Variants in MAPDA observed in about 807,000 individuals in gnomAD.
The protein encoded by MAPDA is N6,N6-dimethyl-AMP deaminase.
the MAPDA span, chr15:43,346,048 G>A: frequency 1.3e-6 from 2 of 1,591,906 alleles, no homozygotes; most frequent in Non-Finnish European, 1.7e-6. Context: ...GACTAGCTTC[G>A]GGCATCTTGC....
chr15:43,345,125 C>T, the MAPDA span, among the ~76,000 whole-genome samples: 320 of 151,998 alleles, frequency 2.1e-3, 1 homozygote, highest in African/African-American at 6.0e-3. Context: ...GAGGCTGAGG[C>T]GGGCGGATCA....
chr15:43,344,465 G>A, the MAPDA span, among the ~76,000 whole-genome samples: 1 of 152,108 alleles, frequency 6.6e-6, no homozygotes, highest in Non-Finnish European at 1.5e-5. Context: ...TCAATAAATA[G>A]TAAACTCATA....
chr15:43,337,662 T>C, the MAPDA span, among the ~76,000 whole-genome samples: 4 of 152,196 alleles, frequency 2.6e-5, no homozygotes, highest in Non-Finnish European at 5.9e-5. Context: ...TCTGGAGAGG[T>C]AACTTTTGAC....
At chr15:43,335,964 C>G in the MAPDA span, 1 of 1,059,702 alleles carries the variant, frequency 9.4e-7, no homozygotes, top group South Asian at 1.7e-5. Flanking sequence ...TCTTAACATA[C>G]AACATTTTTT....
At chr15:43,340,740 G>A in the MAPDA span, among the ~76,000 whole-genome samples, 1 of 152,152 alleles carries the variant, frequency 6.6e-6, no homozygotes, top group African/African-American at 2.4e-5. Context: ...TAAAATTCCA[G>A]TCAGGCATTA....
chr15:43,332,826 C>G, the MAPDA span, among the ~76,000 whole-genome samples: 3 of 152,240 alleles, frequency 2.0e-5, no homozygotes, highest in Admixed American at 6.5e-5. Context: ...TGGCCCTGCT[C>G]TAATATTGAT....
chr15:43,334,661 A>ATATATATATATATT, the MAPDA span, among the ~76,000 whole-genome samples: 1 of 117,106 alleles, frequency 8.5e-6, no homozygotes, highest in African/African-American at 3.3e-5. Context: ...ATATATATAT[A>ATATATATATATATT]TATTTTATCC....
chr15:43,341,430 G>A, the MAPDA span, among the ~76,000 whole-genome samples: 2 of 152,150 alleles, frequency 1.3e-5, no homozygotes, highest in Non-Finnish European at 2.9e-5. Flanking sequence ...TGGAATATTA[G>A]GCAACCATTA....
chr15:43,335,586 G>A, the MAPDA span: 2 of 1,228,092 alleles, frequency 1.6e-6, no homozygotes, highest in South Asian at 1.6e-5. Context: ...TTATTATGTA[G>A]CTAAATCTAG....
the MAPDA span, chr15:43,335,661 G>T: frequency 6.4e-7 from 1 of 1,573,334 alleles, no homozygotes; most frequent in Non-Finnish European, 8.6e-7. Context: ...GAATCTATTG[G>T]ATATTTGATA....
the MAPDA span, chr15:43,335,027 C>A: frequency 7.2e-7 from 1 of 1,392,930 alleles, no homozygotes; most frequent in Non-Finnish European, 1.0e-6. Flanking sequence ...AATTCAGTAC[C>A]ATACAATTTA....
At chr15:43,333,794 A>T in the MAPDA span, among the ~76,000 whole-genome samples, 5 of 152,252 alleles carry the variant, frequency 3.3e-5, no homozygotes, top group Admixed American at 6.5e-5. Flanking sequence ...TTCCAAATAC[A>T]TGGAAACTGT....
chr15:43,352,216 A>G, the MAPDA span: 9 of 312,234 alleles, frequency 2.9e-5, no homozygotes, highest in African/African-American at 1.1e-4. Context: ...GTCCTTCCCT[A>G]TTAGTGATCA....
chr15:43,340,459 T>C, the MAPDA span: 7 of 852,146 alleles, frequency 8.2e-6, no homozygotes, highest in East Asian at 1.5e-4. Context: ...TACTATTGTG[T>C]TGTTCTGTAT....
the MAPDA span, chr15:43,351,193 G>C: frequency 1.5e-6 from 1 of 676,654 alleles, no homozygotes; most frequent in Non-Finnish European, 2.5e-6. Context: ...GAGTATGGTG[G>C]CGCACACCTG....
the MAPDA span, among the ~76,000 whole-genome samples, chr15:43,345,264 G>A: frequency 6.6e-6 from 1 of 150,966 alleles, no homozygotes; most frequent in Non-Finnish European, 1.5e-5. Flanking sequence ...TGAGGCAGGA[G>A]AATCGCTTGG....
At chr15:43,336,725 A>ACTTCATAATTTT in the MAPDA span, 1 of 1,467,268 alleles carries the variant, frequency 6.8e-7, no homozygotes, top group Non-Finnish European at 9.1e-7. Context: ...TTTAAAAATT[A>ACTTCATAATTTT]TGAAGTAATT....
At chr15:43,354,532 T>G in the MAPDA span, 3 of 152,298 alleles carry the variant, frequency 2.0e-5, no homozygotes, top group East Asian at 5.8e-4. Flanking sequence ...TTGTTTAATA[T>G]CTATACAAAA....
chr15:43,332,760 TGGGGGAGTAGGTG>T, the MAPDA span, among the ~76,000 whole-genome samples: 3 of 152,108 alleles, frequency 2.0e-5, no homozygotes, highest in Non-Finnish European at 2.9e-5. Context: ...AGTTCCCTTT[TGGGGGAGTAGGTG>T]GGAGCATGAA....
Sources: gnomAD v4.1 joint callset for allele counts (sites outside exome capture counted in the v4.1 genomes callset) on GRCh38, gnomAD v4.1.1 for gene constraint, MANE v1.5 for transcripts, NCBI Gene and HGNC (gene_info 2026-07-23, HGNC 2026-07-21) for gene names.